The following UBE3B variants were observed in gnomAD, a reference collection of about 807,000 sequenced individuals.
The protein encoded by UBE3B is ubiquitin protein ligase E3B, also known as ubiquitin-protein ligase E3B.
Under a neutral mutation model 132.3 loss-of-function variants are expected in UBE3B, and 80 were observed. The observed-to-expected ratio is 0.60, with a 90% CI of 0.50 to 0.73. The LOEUF (loss-of-function observed/expected upper bound fraction) is 0.73, where lower values mean the gene tolerates loss of function less well. Ranked by LOEUF, UBE3B falls within the 30% of genes least tolerant of loss-of-function variation. The probability of loss-of-function intolerance (pLI) is 0.00; values close to 1 mark genes in which losing one functional copy is unlikely to be tolerated. For missense variants in UBE3B, 1,196 were observed against 1,362.5 expected, an observed-to-expected ratio of 0.88 and a Z score of 1.92; for synonymous variants, 487 against 520.4, an observed-to-expected ratio of 0.94 and a Z score of 0.87.
chr12:109,489,203 T>A (rs1036487729), intron 7 of UBE3B, among the ~76,000 whole-genome samples: 3 of 152,236 alleles, frequency 2.0e-5, no homozygotes, highest in Non-Finnish European at 4.4e-5. Context: ...AGGTGCTCCC[T>A]TCCTCACAGA....
chr12:109,519,965 G>A (rs1320034803), intron 19 of UBE3B: 1 of 152,246 alleles, frequency 6.6e-6, no homozygotes, highest in Non-Finnish European at 1.5e-5. Flanking sequence ...CCCAAAACAG[G>A]TCTCGCCACA....
chr12:109,505,043 GTC>G (rs1489886995), intron 14 of UBE3B, among the ~76,000 whole-genome samples: 1 of 151,974 alleles, frequency 6.6e-6, no homozygotes, highest in Non-Finnish European at 1.5e-5. Flanking sequence ...TCTCCTGTGT[GTC>G]CAGCTTTTTA....
intron 27 of UBE3B, chr12:109,533,893 A>G: frequency 7.5e-7 from 1 of 1,330,256 alleles, no homozygotes; most frequent in Non-Finnish European, 9.9e-7. Flanking sequence ...AAAGTGAGAG[A>G]GTGGGCTCAG....
the UBE3B span, among the ~76,000 whole-genome samples, chr12:109,545,996 C>T: frequency 6.6e-6 from 1 of 152,162 alleles, no homozygotes; most frequent in African/African-American, 2.4e-5. Context: ...AGGGACTCCA[C>T]GACTTCCTTA....
Position 109,523,763 on chromosome 12 carries a change from C to T in UBE3B, c.2365-215C>T, listed in dbSNP as rs565951704. Among the ~76,000 whole-genome samples, 7 of 152,344 alleles carry T rather than the reference C, an allele frequency of 4.6e-5. No homozygotes were observed. In the South Asian group the frequency reaches 1.2e-3, roughly 27 times the overall value. On this transcript the variant is annotated intron_variant, in intron 21 of 27. Coordinates refer to ENST00000342494, the MANE Select transcript of UBE3B (RefSeq NM_130466.4). Reference sequence around the variant, plus strand: ...ATTTAATCCCTGAGCACTGTAGCTCCAAACCATGTGTCCTGACCACTGCGC... The same window carrying T: ...ATTTAATCCCTGAGCACTGTAGCTCTAAACCATGTGTCCTGACCACTGCGC...
chr12:109,501,333 T>G, intron 12 of UBE3B, 38 bp from the exon 13 acceptor site: 24 of 1,611,662 alleles, frequency 1.5e-5, no homozygotes, highest in Non-Finnish European at 2.0e-5. Flanking sequence ...CTGCATCAGA[T>G]GGAACTGACA....
intron 25 of UBE3B, 61 bp from the exon 26 acceptor site, chr12:109,530,486 C>T (rs1882831830): frequency 1.4e-6 from 2 of 1,443,416 alleles, no homozygotes; most frequent in African/African-American, 2.8e-5. Context: ...CATGACCTGC[C>T]TGCCTGTCCA....
intron 4 of UBE3B, among the ~76,000 whole-genome samples, chr12:109,485,675 TGAG>T (rs1043492013): frequency 1.3e-5 from 2 of 152,166 alleles, no homozygotes; most frequent in Non-Finnish European, 2.9e-5. Flanking sequence ...AGAGCACAGT[TGAG>T]GAGACAGCAG....
chr12:109,545,015 A>C, the UBE3B span, among the ~76,000 whole-genome samples: 1 of 152,186 alleles, frequency 6.6e-6, no homozygotes, highest in African/African-American at 2.4e-5. Context: ...CCAGGATATG[A>C]GGAACTGGGA....
chr12:109,505,883 A>G (rs545386705), intron 14 of UBE3B, among the ~76,000 whole-genome samples: 2 of 152,350 alleles, frequency 1.3e-5, no homozygotes, highest in African/African-American at 2.4e-5. Flanking sequence ...AGAGTGCCCT[A>G]TAAGATGAGA....
intron 24 of UBE3B, 115 bp from the exon 25 acceptor site, chr12:109,529,775 T>C: frequency 8.3e-7 from 1 of 1,201,656 alleles, no homozygotes; most frequent in South Asian, 1.4e-5. Context: ...ACTCTGGTAC[T>C]ATTTGTGTTT....
intron 24 of UBE3B, among the ~76,000 whole-genome samples, chr12:109,528,963 A>AG (rs1407893603): frequency 6.6e-6 from 1 of 152,200 alleles, no homozygotes; most frequent in Non-Finnish European, 1.5e-5. Flanking sequence ...GTTTGAGACC[A>AG]GACTGGTCCA....
intron 9 of UBE3B, among the ~76,000 whole-genome samples, chr12:109,493,354 C>A (rs1215415273): frequency 6.6e-6 from 1 of 152,198 alleles, no homozygotes; most frequent in African/African-American, 2.4e-5. Context: ...TCCAGAGACA[C>A]AAGCTCTAGG....
At chr12:109,529,672 G>A (rs1157665323) in intron 24 of UBE3B, among the ~76,000 whole-genome samples, 2 of 152,174 alleles carry the variant, frequency 1.3e-5, no homozygotes, top group Non-Finnish European at 2.9e-5. Flanking sequence ...ATGATGCAGT[G>A]CCCTCAAAGG....
chr12:109,525,110 C>T (rs920747146), intron 23 of UBE3B, among the ~76,000 whole-genome samples: 1 of 152,136 alleles, frequency 6.6e-6, no homozygotes, highest in African/African-American at 2.4e-5. Flanking sequence ...ATTAGACTCG[C>T]GCTTGGGCAC....
intron 18 of UBE3B, among the ~76,000 whole-genome samples, chr12:109,512,279 G>A (rs940516708): frequency 6.6e-6 from 1 of 152,132 alleles, no homozygotes; most frequent in African/African-American, 2.4e-5. Flanking sequence ...GGAGTCAGAC[G>A]GAGTGAGAAG....
In UBE3B at chr12:109,486,455, T is replaced by G; in HGVS notation, c.343-16T>G. The G allele has an allele frequency of 6.3e-7, 1 of 1,586,578 alleles. No homozygotes were observed. Among genetic ancestry groups the G allele is most frequent in the Non-Finnish European group, 8.6e-7 (1 of 1,164,440 alleles). ...TCTATAACAGCCCATGACATTCCTC[T>G]TTTTCCCACCTATAGGTGTGGTATG... On this transcript the variant is annotated splice_polypyrimidine_tract_variant and intron_variant, in intron 5 of 27. Coordinates refer to ENST00000342494, the MANE Select transcript of UBE3B (RefSeq NM_130466.4).
At chr12:109,546,423 G>A in the UBE3B span, among the ~76,000 whole-genome samples, 2 of 152,194 alleles carry the variant, frequency 1.3e-5, no homozygotes, top group East Asian at 1.9e-4. Flanking sequence ...ATTGAGGGCT[G>A]GAAGCCCAGG....
intron 8 of UBE3B, chr12:109,490,809 GT>G (rs991108787): frequency 8.1e-7 from 1 of 1,235,558 alleles, no homozygotes; most frequent in Admixed American, 3.3e-5. Flanking sequence ...ACGGTTTTTT[GT>G]TTTTTTGTTT....
Sources: allele counts gnomAD v4.1 joint callset (sites outside exome capture counted in the v4.1 genomes callset), GRCh38; gene constraint gnomAD v4.1.1; transcripts MANE v1.5; gene names NCBI Gene and HGNC (gene_info 2026-07-23, HGNC 2026-07-21).